Variants in EML6 observed in about 807,000 individuals in gnomAD.
EML6 encodes the protein echinoderm microtubule-associated protein-like 6.
EML6 carries 154 observed loss-of-function variants against 240.1 expected under a neutral mutation model. The observed-to-expected ratio is 0.64, with a 90% confidence interval of 0.56 to 0.73. The LOEUF (loss-of-function observed/expected upper bound fraction) is 0.73. EML6 is among the 30% of genes least tolerant of loss of function. EML6 has a pLI of 0.00. For missense variants in EML6, 2,964 were observed against 2,474.6 expected, an observed-to-expected ratio of 1.20 and a Z score of -4.20; for synonymous variants, 1,148 against 899.0, an observed-to-expected ratio of 1.28 and a Z score of -4.95.
At chr2:54,780,418 A>G (rs998037730) in intron 2 of EML6, among the ~76,000 whole-genome samples, 10 of 152,332 alleles carry the variant, frequency 6.6e-5, no homozygotes, top group African/African-American at 2.4e-4. Flanking sequence ...TGACTGTCCC[A>G]GAAATATTTG....
At chr2:54,806,021 G>C (rs938324117) in intron 2 of EML6, among the ~76,000 whole-genome samples, 1 of 151,920 alleles carries the variant, frequency 6.6e-6, no homozygotes, top group African/African-American at 2.4e-5. Context: ...TATCCTTATA[G>C]CAATATTCTG....
At chr2:54,732,746 G>A (rs537438934) in intron 2 of EML6, among the ~76,000 whole-genome samples, 1 of 152,294 alleles carries the variant, frequency 6.6e-6, no homozygotes, top group Admixed American at 6.5e-5. Flanking sequence ...TGCTGTTTGA[G>A]CTAATGAGTG....
intron 32 of EML6, among the ~76,000 whole-genome samples, chr2:54,954,998 G>A (rs1676164793): frequency 6.6e-6 from 1 of 152,210 alleles, no homozygotes; most frequent in Non-Finnish European, 1.5e-5. Flanking sequence ...AGGTTGTAAA[G>A]AGATCAGCAC....
intron 5 of EML6, among the ~76,000 whole-genome samples, chr2:54,822,587 G>T (rs1025317188): frequency 6.6e-6 from 1 of 152,292 alleles, no homozygotes; most frequent in East Asian, 1.9e-4. Flanking sequence ...TGTTTTAAAT[G>T]ATGATATTGG....
At chr2:54,727,675 A>G (rs1488901226) in intron 2 of EML6, among the ~76,000 whole-genome samples, 3 of 152,238 alleles carry the variant, frequency 2.0e-5, no homozygotes, top group African/African-American at 4.8e-5. Context: ...CATTACATGA[A>G]TATCAAAACT....
intron 4 of EML6, among the ~76,000 whole-genome samples, chr2:54,817,497 G>C (rs1467286540): frequency 6.6e-6 from 1 of 152,106 alleles, no homozygotes; most frequent in African/African-American, 2.4e-5. Context: ...TTGCATGACT[G>C]TCTTACTTGA....
intron 2 of EML6, among the ~76,000 whole-genome samples, chr2:54,731,523 C>T (rs1683166611): frequency 6.6e-6 from 1 of 151,920 alleles, no homozygotes; most frequent in Admixed American, 6.6e-5. Flanking sequence ...TGCCTATGGT[C>T]TCAGCTACTT....
chr2:54,859,712 CAAT>C lies in EML6; in HGVS notation c.1825+15_1825+17del, dbSNP rs974215672. ...AAACTGCACCCCAAGGTAAACCCAGCAATAATTTCTTAACATCATTTTATTTTT... is the reference window on the plus strand; with the variant it reads ...AAACTGCACCCCAAGGTAAACCCAGCAATTTCTTAACATCATTTTATTTTT... On this transcript the variant is annotated intron_variant, in intron 12 of 41. Transcript: ENST00000356458. The C allele has an allele frequency of 6.6e-7, 1 of 1,520,852 alleles. No individual in the cohort carries two copies. Among genetic ancestry groups the C allele is most frequent in the African/African-American group, 1.4e-5 (1 of 71,252 alleles). 94.2% of individuals were successfully genotyped at this position (1,520,852 alleles called of 1,614,324 possible).
At chr2:54,820,288 A>G in intron 4 of EML6, 106 bp from the exon 5 acceptor site, 1 of 684,226 alleles carries the variant, frequency 1.5e-6, no homozygotes, top group Non-Finnish European at 2.6e-6. Context: ...TGCAGGTAAC[A>G]TTGTGTTCTA....
chr2:54,866,206 G>A (rs1165888232), intron 13 of EML6, among the ~76,000 whole-genome samples: 2 of 152,144 alleles, frequency 1.3e-5, no homozygotes, highest in African/African-American at 2.4e-5. Context: ...GACATTTCTT[G>A]GTAGTAAAGT....
At chr2:54,909,974 AAG>A (rs1649919521) in intron 24 of EML6, among the ~76,000 whole-genome samples, 1 of 152,174 alleles carries the variant, frequency 6.6e-6, no homozygotes, top group Non-Finnish European at 1.5e-5. Context: ...TTTTCTAAGA[AAG>A]ATATTTCAAA....
At chr2:54,785,669 T>C (rs998697569) in intron 2 of EML6, among the ~76,000 whole-genome samples, 2 of 152,320 alleles carry the variant, frequency 1.3e-5, no homozygotes, top group Middle Eastern at 3.4e-3. Flanking sequence ...TTTTCATAAG[T>C]TTTAATGTTT....
At chr2:54,938,697 C>A (rs573446639) in intron 28 of EML6, among the ~76,000 whole-genome samples, 2 of 152,240 alleles carry the variant, frequency 1.3e-5, no homozygotes, top group Non-Finnish European at 2.9e-5. Context: ...CCAGGCTTCA[C>A]GCTGTCTGAG....
chr2:54,882,108 A>C (rs1207899865), intron 17 of EML6: 1 of 152,216 alleles, frequency 6.6e-6, no homozygotes, highest in East Asian at 1.9e-4. Context: ...AAACTAGAGA[A>C]ATTCAGAATT....
At chr2:54,791,004 C>T (rs1188337348) in intron 2 of EML6, among the ~76,000 whole-genome samples, 1 of 152,280 alleles carries the variant, frequency 6.6e-6, no homozygotes, top group African/African-American at 2.4e-5. Flanking sequence ...GAATTACAGG[C>T]GTGAGCCACC....
At chr2:54,929,259 G>A (rs1381470444) in intron 28 of EML6, among the ~76,000 whole-genome samples, 3 of 152,264 alleles carry the variant, frequency 2.0e-5, no homozygotes, top group East Asian at 1.9e-4. Flanking sequence ...GGTGGGTTTG[G>A]CATTTCCAGC....
At chr2:54,837,005 CG>C (rs1669187893) in intron 7 of EML6, among the ~76,000 whole-genome samples, 2 of 152,140 alleles carry the variant, frequency 1.3e-5, no homozygotes, top group African/African-American at 2.4e-5. Context: ...GCTGCAAGGG[CG>C]GGGGGTTTTG....
At chr2:54,790,431 T>G (rs1669370896) in intron 2 of EML6, among the ~76,000 whole-genome samples, 1 of 152,128 alleles carries the variant, frequency 6.6e-6, no homozygotes, top group African/African-American at 2.4e-5. Flanking sequence ...AATTGCAGAG[T>G]AAGTTTACAA....
chr2:54,923,326 A>G (rs1356499417), intron 26 of EML6, among the ~76,000 whole-genome samples: 2 of 150,892 alleles, frequency 1.3e-5, no homozygotes, highest in Non-Finnish European at 3.0e-5. Flanking sequence ...GTATTACTTT[A>G]AATTTGCTAA....
Sources: gnomAD v4.1 joint callset for allele counts (sites outside exome capture counted in the v4.1 genomes callset) on GRCh38, gnomAD v4.1.1 for gene constraint, MANE v1.5 for transcripts, NCBI Gene and HGNC (gene_info 2026-07-23, HGNC 2026-07-21) for gene names.